The following PBLD variants were observed in gnomAD, a reference collection of about 807,000 sequenced individuals.
PBLD encodes the protein phenazine biosynthesis-like domain-containing protein.
Under a neutral mutation model 31.3 loss-of-function variants are expected in PBLD, and 26 were observed. The observed-to-expected ratio is 0.83, with a 90% CI of 0.61 to 1.15. The LOEUF is 1.15. Ranked by LOEUF, PBLD falls within the 50% of genes most tolerant of loss-of-function variation. PBLD has a pLI of 0.00. For missense variants in PBLD, 307 were observed against 351.7 expected, an observed-to-expected ratio of 0.87 and a Z score of 1.02; for synonymous variants, 114 against 129.0, an observed-to-expected ratio of 0.88 and a Z score of 0.79.
In PBLD at chr10:68,296,947, C is replaced by T; in HGVS notation, c.123G>A (p.Glu41=). ...TAAAAGCAGTTTCAGAGAGGTTCATCTCCCTTGCAATTTTCTGATGCATGT... is the reference window on the plus strand; with the variant it reads ...TAAAAGCAGTTTCAGAGAGGTTCATTTCCCTTGCAATTTTCTGATGCATGT... ...DEDMHQKIAR[E]MNLSETAFIR... is the part of the protein sequence containing the mutation. Residue 41 remains glutamate, a synonymous_variant, in exon 3 of 10, where the codon GAG becomes GAA. Coordinates refer to ENST00000358769, the MANE Select transcript of PBLD (RefSeq NM_022129.4). The T allele has an allele frequency of 6.2e-7, 1 of 1,613,998 alleles. No individual in the cohort carries two copies. The highest frequency in any genetic ancestry group is 8.5e-7 in the Non-Finnish European group (1 of 1,179,892).
chr10:68,285,821 C>G (rs1377539920), intron 8 of PBLD, among the ~76,000 whole-genome samples: 3 of 152,042 alleles, frequency 2.0e-5, no homozygotes, highest in African/African-American at 2.4e-5. Flanking sequence ...GCTGGAACTA[C>G]AGGTGCATGT....
chr10:68,322,334 G>T (rs570153905), intron 1 of PBLD, among the ~76,000 whole-genome samples: 5 of 152,154 alleles, frequency 3.3e-5, no homozygotes, highest in Middle Eastern at 3.4e-3. Flanking sequence ...GAAAACTACT[G>T]AGCCGTACAT....
intron 2 of PBLD, among the ~76,000 whole-genome samples, chr10:68,300,975 C>A (rs1487781052): frequency 6.6e-6 from 1 of 152,110 alleles, no homozygotes; most frequent in Non-Finnish European, 1.5e-5. Context: ...TGGCTCACTG[C>A]AACCTCTGCC....
Position 68,288,514 on chromosome 10 carries a change from C to A in PBLD, c.660G>T (p.Pro220=). ...AFDFYSRYFA[P]WVGVAEDPVT... is the part of the protein sequence containing the mutation. ...CTGGGTCTTCAGCCACACCAACCCA[C>A]GGTGCAAAATATCTTGAGTAAAAGT... The change falls in exon 8 of 10, where the codon CCG becomes CCT. Residue 220 remains proline (P), a synonymous_variant. Transcript: ENST00000358769. 6.2e-7 allele frequency: 1 copy of A among 1,614,178 alleles called. No individual in the cohort carries two copies. Among genetic ancestry groups the A allele is most frequent in the Non-Finnish European group, 8.5e-7 (1 of 1,180,026 alleles).
intron 1 of PBLD, among the ~76,000 whole-genome samples, chr10:68,323,456 G>T (rs2044866388): frequency 6.6e-6 from 1 of 152,124 alleles, no homozygotes; most frequent in Non-Finnish European, 1.5e-5. Flanking sequence ...CAGCTACTCA[G>T]GAGGCTGAGG....
chr10:68,319,580 G>C (rs979428715), intron 1 of PBLD, among the ~76,000 whole-genome samples: 2 of 151,916 alleles, frequency 1.3e-5, no homozygotes, highest in African/African-American at 4.8e-5. Flanking sequence ...AATTAGCCAG[G>C]TGTGGTGGTG....
intron 1 of PBLD, among the ~76,000 whole-genome samples, chr10:68,324,968 A>G (rs888339490): frequency 1.1e-4 from 17 of 150,002 alleles, no homozygotes; most frequent in Non-Finnish European, 2.2e-4. Flanking sequence ...CATCTGGGCT[A>G]GGTGCAGTTG....
chr10:68,296,390 G>A (rs542800079), intron 3 of PBLD, 26 bp from the exon 4 acceptor site: 24 of 1,525,696 alleles, frequency 1.6e-5, no homozygotes, highest in Non-Finnish European at 2.1e-5. Context: ...GCCAAAGAGA[G>A]ATGAGATCAT....
Position 68,292,121 on chromosome 10 carries a change from G to T in PBLD, c.393+8C>A. On this transcript the variant is annotated splice_region_variant and intron_variant, in intron 5 of 9. Transcript: ENST00000358769. ...GATGGCTTAGGGCAATAATTACAAA[G>T]AGCTGACCTGGGGGTGGGCTGGATA... 6.2e-7 allele frequency: 1 copy of T among 1,610,704 alleles called. No homozygotes were observed.
At chr10:68,311,347 G>A (rs538098955) in intron 1 of PBLD, among the ~76,000 whole-genome samples, 7 of 152,186 alleles carry the variant, frequency 4.6e-5, no homozygotes, top group African/African-American at 7.2e-5. Flanking sequence ...AGCACTTTGG[G>A]AGGCTGAGGC....
At chr10:68,298,165 G>A (rs1010017091) in intron 2 of PBLD, among the ~76,000 whole-genome samples, 3 of 152,170 alleles carry the variant, frequency 2.0e-5, no homozygotes, top group African/African-American at 7.2e-5. Flanking sequence ...GGAGGTAGGA[G>A]GATCTCTTGA....
intron 1 of PBLD, among the ~76,000 whole-genome samples, chr10:68,308,762 A>G (rs1293281473): frequency 1.3e-5 from 2 of 149,280 alleles, no homozygotes; most frequent in African/African-American, 2.5e-5. Flanking sequence ...GCTGGTCTGG[A>G]ACTCCTCACT....
intron 2 of PBLD, among the ~76,000 whole-genome samples, chr10:68,304,068 G>A (rs1163589655): frequency 6.6e-6 from 1 of 152,122 alleles, no homozygotes; most frequent in East Asian, 1.9e-4. Context: ...AATTCCTACT[G>A]AATTGTGTCC....
chr10:68,294,849 TC>T (rs1341144498), intron 4 of PBLD, among the ~76,000 whole-genome samples: 1 of 152,216 alleles, frequency 6.6e-6, no homozygotes, highest in Non-Finnish European at 1.5e-5. Context: ...TGCCTTAGCC[TC>T]CTGAGTAGCT....
At chr10:68,322,706 T>C (rs190695449) in intron 1 of PBLD, among the ~76,000 whole-genome samples, 93 of 151,878 alleles carry the variant, frequency 6.1e-4, no homozygotes, top group Non-Finnish European at 9.9e-4. Flanking sequence ...TTTCATAACT[T>C]GTGACAAATG....
intron 8 of PBLD, among the ~76,000 whole-genome samples, chr10:68,285,725 T>C (rs4443961): frequency 0.8 from 121,764 of 151,808 alleles, 49,238 homozygotes; most frequent in Middle Eastern, 0.88. Context: ...GTTGTCCAGC[T>C]GGGAGTGCAG....
At chr10:68,296,510 C>A in intron 3 of PBLD, 146 bp from the exon 4 acceptor site, 1 of 631,394 alleles carries the variant, frequency 1.6e-6, no homozygotes, top group Middle Eastern at 4.3e-4. Context: ...GCTAGGCAAG[C>A]ATCCTAGGGC....
intron 1 of PBLD, among the ~76,000 whole-genome samples, chr10:68,323,341 C>T (rs1325506446): frequency 1.3e-5 from 2 of 152,028 alleles, no homozygotes; most frequent in Non-Finnish European, 2.9e-5. Context: ...GTGGGTGGAT[C>T]ACATGAAGTC....
chr10:68,319,080 A>AAAGG, intron 1 of PBLD, among the ~76,000 whole-genome samples: 1 of 130,662 alleles, frequency 7.7e-6, no homozygotes, highest in African/African-American at 3.2e-5. Context: ...AGAAAGAAAG[A>AAAGG]AAGAAAGAAA....
Sources: allele counts gnomAD v4.1 joint callset (sites outside exome capture counted in the v4.1 genomes callset), GRCh38; gene constraint gnomAD v4.1.1; transcripts MANE v1.5; gene names NCBI Gene and HGNC (gene_info 2026-07-23, HGNC 2026-07-21).